The following CA12 variants were observed in gnomAD, a reference collection of about 807,000 sequenced individuals.
The protein encoded by CA12 is carbonic anhydrase 12.
In CA12, 36 loss-of-function variants were observed where a neutral mutation model predicts 46.8. That is an observed-to-expected ratio of 0.77 (90% confidence interval 0.59 to 1.02). The LOEUF (loss-of-function observed/expected upper bound fraction) is 1.02. Ranked by LOEUF, CA12 falls within the 50% of genes least tolerant of loss-of-function variation. The pLI is 0.00. For missense variants in CA12, 436 were observed against 451.4 expected (o/e 0.97, Z 0.31); for synonymous variants, 202 against 187.0 (o/e 1.08, Z -0.65).
intron 8 of CA12, among the ~76,000 whole-genome samples, chr15:63,338,424 C>A (rs2039031280): frequency 6.6e-6 from 1 of 152,158 alleles, no homozygotes; most frequent in African/African-American, 2.4e-5. Context: ...CTGGCTGCAG[C>A]CTTTGATGCC....
In CA12 at chr15:63,325,799, G is replaced by T; in HGVS notation, c.*486C>A. The T allele has an allele frequency of 4.6e-6, 1 of 215,130 alleles. No homozygotes were observed. The highest frequency in any genetic ancestry group is 9.5e-6 in the Non-Finnish European group (1 of 105,272). The allele number at this position is 215,130 out of a possible 1,614,324, so 13.3% of individuals were successfully genotyped here. ...GCAGATTAAAGGTTTTGTCATAGCA[G>T]AAGGAAATCAGAGGGAGATGCCCCG... On this transcript the variant is annotated 3_prime_UTR_variant, in exon 11 of 11. Transcript: ENST00000178638. This position sits in a 1 kb window ranked among gnomAD's most constrained non-coding sequence, Gnocchi z 4.9.
In CA12 at chr15:63,373,765, C is replaced by T. The variant is rs1226929988; in HGVS notation, c.106+1893G>A. Among the ~76,000 whole-genome samples, 1 of 152,208 alleles carries T rather than the reference C, an allele frequency of 6.6e-6. No homozygotes were observed. Among genetic ancestry groups the T allele is most frequent in the Non-Finnish European group, 1.5e-5 (1 of 68,032 alleles). On this transcript the variant is annotated intron_variant, in intron 2 of 10. Transcript: ENST00000178638. This position sits in a 1 kb window ranked among gnomAD's most constrained non-coding sequence, Gnocchi z 4.9. ...GAAACACTGGTCTAGACAACCCCTC[C>T]TCCAGGTTACAGATGGGGAAAGTGA...
chr15:63,344,744 C>T (rs2152617555), intron 4 of CA12, among the ~76,000 whole-genome samples: 1 of 152,306 alleles, frequency 6.6e-6, no homozygotes, highest in Non-Finnish European at 1.5e-5. Flanking sequence ...GAGCCACACC[C>T]CCAGTTCAGG....
chr15:63,338,916 G>A lies in CA12; in HGVS notation c.777C>T (p.Cys259=), dbSNP rs2039039805. 1 of 1,614,206 alleles carries A rather than the reference G, an allele frequency of 6.2e-7. No individual in the cohort carries two copies. Among genetic ancestry groups the A allele is most frequent in the Non-Finnish European group, 8.5e-7 (1 of 1,180,042 alleles). Reference sequence around the variant, plus strand: ...TGGGGGAAGGGTCGTCCATGTGTGTGCAGTACAGGGCTGTCTCCAAAGCCA... The same window carrying A: ...TGGGGGAAGGGTCGTCCATGTGTGTACAGTACAGGGCTGTCTCCAAAGCCA... The part of the protein sequence containing the change: ...QLLALETALY[C]THMDDPSPRE... Residue 259 remains cysteine (C), a synonymous_variant, in exon 8 of 11, where the codon TGC becomes TGT. Coordinates refer to ENST00000178638, the MANE Select transcript of CA12 (RefSeq NM_001218.5).
Position 63,351,751 on chromosome 15 carries a change from G to A in CA12, c.107-5042C>T, listed in dbSNP as rs183928842. Among the ~76,000 whole-genome samples the A allele has an allele frequency of 4.5e-4, 68 of 152,262 alleles. No homozygotes were observed. The Middle Eastern group carries it at 0.01, about 23-fold the overall frequency. On this transcript the variant is annotated intron_variant, in intron 2 of 10. Transcript: ENST00000178638. Reference sequence around the variant, plus strand: ...TCTAGTCCCTGACTTGAACTTCTCGGCCAGCCTACTCGGGTTGTGCACACT... The same window carrying A: ...TCTAGTCCCTGACTTGAACTTCTCGACCAGCCTACTCGGGTTGTGCACACT...
chr15:63,358,846 T>C (rs1356837821), intron 2 of CA12, among the ~76,000 whole-genome samples: 1 of 152,170 alleles, frequency 6.6e-6, no homozygotes, highest in East Asian at 1.9e-4. Context: ...CTCCCTGCTC[T>C]TCCACGCCCA....
chr15:63,343,279 C>CT (rs35290345), intron 4 of CA12, among the ~76,000 whole-genome samples: 1,949 of 98,714 alleles, frequency 0.02, 45 homozygotes, highest in African/African-American at 0.024. Context: ...TAGAAAGAAT[C>CT]TTTTTTTTTT....
chr15:63,370,723 A>T (rs28451258), intron 2 of CA12, among the ~76,000 whole-genome samples: 5,144 of 151,390 alleles, frequency 0.034, 263 homozygotes, highest in African/African-American at 0.12. Flanking sequence ...CAGTGAGCCA[A>T]GATTGCACCA....
chr15:63,381,824 C>G lies in CA12; in HGVS notation c.-104G>C, dbSNP rs1039746943. 32 of 640,720 alleles carry G rather than the reference C, an allele frequency of 5.0e-5. No homozygotes were observed. The highest frequency in any genetic ancestry group is 7.2e-5 in the Non-Finnish European group (31 of 428,022). The allele number at this position is 640,720 out of a possible 1,614,324, so 39.7% of individuals were successfully genotyped here. A position where few individuals can be genotyped will look rare whatever the true frequency, so the allele number is the denominator to read the frequency against. On this transcript the variant is annotated 5_prime_UTR_variant, in exon 1 of 11. Coordinates refer to ENST00000178638, the MANE Select transcript of CA12 (RefSeq NM_001218.5). ...GACCGCGTGCGCGCAGCCTGGGTGC[C>G]GTGGCGAGTACGTCCGCCCTTCGCT...
In CA12 at chr15:63,364,857, G is replaced by A. The variant is rs182083886; in HGVS notation, c.106+10801C>T. 2.6e-5 allele frequency among the ~76,000 whole-genome samples: 4 copies of A among 152,356 alleles called. No homozygotes were observed. The East Asian group carries it at 7.7e-4, about 29-fold the overall frequency. On this transcript the variant is annotated intron_variant, in intron 2 of 10. Transcript: ENST00000178638. ...AGGGCACTGTTTCAAGATTGTTCCT[G>A]GAGGAACTCCTGCACCTCTTTCAGC...
chr15:63,347,131 C>T (rs112180794), intron 2 of CA12, among the ~76,000 whole-genome samples: 5 of 152,170 alleles, frequency 3.3e-5, no homozygotes, highest in Non-Finnish European at 5.9e-5. Context: ...GGCATTCTAG[C>T]GGGGAAGAAT....
At position 63,325,150 on chromosome 15, in the gene CA12, A is replaced by AT. The variant is rs2038849463; in HGVS notation, c.*1134dup. 1 of 152,224 alleles carries AT rather than the reference A, an allele frequency of 6.6e-6. No homozygotes were observed. The highest frequency in any genetic ancestry group is 1.5e-5 in the Non-Finnish European group (1 of 68,044). 9.4% of individuals were successfully genotyped at this position (152,224 alleles called of 1,614,324 possible). A position where few individuals can be genotyped will look rare whatever the true frequency, so the allele number is the denominator to read the frequency against. On this transcript the variant is annotated 3_prime_UTR_variant, in exon 11 of 11. Transcript: ENST00000178638. This position sits in a 1 kb window ranked among gnomAD's most constrained non-coding sequence, Gnocchi z 4.9. The stretch of plus-strand genomic sequence containing the variant: ...TAACCTCCTGCTTTTATAGCTTGAA[A>AT]TATATTTGATCTAAACCACGATTTG...
In CA12 at chr15:63,328,073, C is replaced by A; in HGVS notation, c.907+25G>T. 6.2e-7 allele frequency: 1 copy of A among 1,609,562 alleles called. No homozygotes were observed. Among genetic ancestry groups the A allele is most frequent in the Non-Finnish European group, 8.5e-7 (1 of 1,176,018 alleles). On this transcript the variant is annotated intron_variant, in intron 9 of 10. Transcript: ENST00000178638. This position sits in a 1 kb window ranked among gnomAD's most constrained non-coding sequence, Gnocchi z 5.9. The stretch of plus-strand genomic sequence containing the variant: ...ACAGTGATCACCCAGCTGCAGCATG[C>A]ACGGCTGGCTGCCCAGCCACATACC...
rs980099357 is a variant in CA12 at position 63,355,569 on chromosome 15, T to C, written c.107-8860A>G. Among the ~76,000 whole-genome samples the C allele has an allele frequency of 2.6e-5, 4 of 152,236 alleles. No individual in the cohort carries two copies. Among genetic ancestry groups the C allele is most frequent in the Admixed American group, 2.6e-4 (4 of 15,284 alleles). ...GAGGCTGAGAAGCGCTGCACTAGAC[T>C]GTCAGCTCGCTTTCTGCATGCGTGT... On this transcript the variant is annotated intron_variant, in intron 2 of 10. Transcript: ENST00000178638. This position sits in a 1 kb window ranked among gnomAD's most constrained non-coding sequence, Gnocchi z 4.1.
At chr15:63,350,601 T>A (rs536347284) in intron 2 of CA12, among the ~76,000 whole-genome samples, 1 of 152,330 alleles carries the variant, frequency 6.6e-6, no homozygotes, top group East Asian at 1.9e-4. Flanking sequence ...TTTCCTGCTC[T>A]AGGCAAAACA....
intron 2 of CA12, among the ~76,000 whole-genome samples, chr15:63,364,048 G>A (rs113747824): frequency 8.5e-5 from 13 of 152,144 alleles, no homozygotes; most frequent in South Asian, 8.3e-4. Context: ...TTAGCCGGGC[G>A]TGGTGGCGCA....
intron 1 of CA12, among the ~76,000 whole-genome samples, chr15:63,377,306 A>C (rs1234932136): frequency 1.3e-5 from 2 of 152,158 alleles, no homozygotes; most frequent in Non-Finnish European, 2.9e-5. Context: ...TCGACCCACA[A>C]GGGTACAGAT....
chr15:63,376,448 T>G (rs554198127), intron 1 of CA12, among the ~76,000 whole-genome samples: 2 of 152,264 alleles, frequency 1.3e-5, no homozygotes, highest in East Asian at 3.9e-4. Flanking sequence ...ATCTCCCTCT[T>G]TCTCCTCACA....
chr15:63,378,213 C>A lies in CA12; in HGVS notation c.86-2535G>T, dbSNP rs907507838. Among the ~76,000 whole-genome samples the A allele has an allele frequency of 6.6e-6, 1 of 152,142 alleles. No homozygotes were observed. Among genetic ancestry groups the A allele is most frequent in the African/African-American group, 2.4e-5 (1 of 41,412 alleles). On this transcript the variant is annotated intron_variant, in intron 1 of 10. Coordinates refer to ENST00000178638, the MANE Select transcript of CA12 (RefSeq NM_001218.5). The surrounding 1 kb of genome is among the most constrained non-coding windows in gnomAD (Gnocchi z 4.8). Reference sequence around the variant, plus strand: ...GACCAGCCTGGCCAACATGGTGAAACCCTGTCTCTACTAAAAATACAAAAA... The same window carrying A: ...GACCAGCCTGGCCAACATGGTGAAAACCTGTCTCTACTAAAAATACAAAAA...
Sources: allele counts gnomAD v4.1 joint callset (sites outside exome capture counted in the v4.1 genomes callset), GRCh38; gene constraint gnomAD v4.1.1; non-coding constraint Gnocchi (gnomAD v3.1); transcripts MANE v1.5; gene names NCBI Gene and HGNC (gene_info 2026-07-23, HGNC 2026-07-21).